Variants in ZBTB7C observed in about 807,000 individuals in gnomAD.
ZBTB7C encodes zinc finger and BTB domain containing 7C.
ZBTB7C carries 8 observed loss-of-function variants against 25.7 expected under a neutral mutation model. The observed-to-expected ratio is 0.31, with a 90% CI of 0.18 to 0.56. The LOEUF (loss-of-function observed/expected upper bound fraction) is 0.56, where lower values mean the gene tolerates loss of function less well. Among genes scored for constraint, ZBTB7C ranks in the 20% least tolerant of loss-of-function variants. ZBTB7C has a pLI of 0.91. For synonymous variants in ZBTB7C, 394 were observed against 369.0 expected, an observed-to-expected ratio of 1.07 and a Z score of -0.78; for missense variants, 824 against 855.2, an observed-to-expected ratio of 0.96 and a Z score of 0.46.
In ZBTB7C at chr18:48,089,500, A is replaced by G. The variant is rs927084696; in HGVS notation, c.-16-48377T>C. Among the ~76,000 whole-genome samples the G allele has an allele frequency of 2.0e-5, 3 of 147,116 alleles. No individual in the cohort carries two copies. In the Admixed American group the frequency reaches 2.0e-4, roughly 10 times the overall value. On this transcript the variant is annotated intron_variant, in intron 3 of 4. Coordinates refer to ENST00000590800, the MANE Select transcript of ZBTB7C (RefSeq NM_001318841.2). Reference sequence around the variant, plus strand: ...TCTCGAAAAAAAAAAAAAAAAGAAGAGTCAGGTTCAGAAAGTGGGGCCCTA... The same window carrying G: ...TCTCGAAAAAAAAAAAAAAAAGAAGGGTCAGGTTCAGAAAGTGGGGCCCTA...
chr18:48,195,484 C>A (rs4597387), intron 2 of ZBTB7C, among the ~76,000 whole-genome samples: 45,034 of 152,124 alleles, frequency 0.3, 7,010 homozygotes, highest in East Asian at 0.54. Flanking sequence ...TGACTTTGCT[C>A]CTCCTTTGCC....
intron 1 of ZBTB7C, among the ~76,000 whole-genome samples, chr18:48,383,615 T>C (rs1431840596): frequency 1.3e-5 from 2 of 152,206 alleles, no homozygotes; most frequent in Non-Finnish European, 2.9e-5. Context: ...AGAAGAATAT[T>C]TTTCACTACA....
At chr18:48,043,663 G>T (rs1006125546) in intron 3 of ZBTB7C, among the ~76,000 whole-genome samples, 6 of 152,144 alleles carry the variant, frequency 3.9e-5, no homozygotes, top group Non-Finnish European at 7.4e-5. Context: ...TCTGCATATT[G>T]ATTATACCAG....
chr18:48,390,325 T>C (rs1002075490), intron 1 of ZBTB7C, among the ~76,000 whole-genome samples: 1 of 152,240 alleles, frequency 6.6e-6, no homozygotes, highest in African/African-American at 2.4e-5. Context: ...AGTAATTTAT[T>C]TTGATCATCT....
At chr18:48,357,453 C>G (rs991963863) in intron 1 of ZBTB7C, among the ~76,000 whole-genome samples, 5 of 152,338 alleles carry the variant, frequency 3.3e-5, no homozygotes, top group Admixed American at 6.5e-5. Flanking sequence ...GACAATGAAA[C>G]AGAGACAAAG....
At chr18:48,071,885 A>G (rs1288276609) in intron 3 of ZBTB7C, among the ~76,000 whole-genome samples, 2 of 152,222 alleles carry the variant, frequency 1.3e-5, no homozygotes, top group Non-Finnish European at 2.9e-5. Flanking sequence ...AATATGCCAG[A>G]CATAAAAGGA....
At chr18:48,209,669 T>C (rs1046369971) in intron 2 of ZBTB7C, among the ~76,000 whole-genome samples, 3 of 151,966 alleles carry the variant, frequency 2.0e-5, no homozygotes, top group African/African-American at 7.3e-5. Context: ...AGTGGGAGGA[T>C]TGCTTGAACC....
intron 3 of ZBTB7C, among the ~76,000 whole-genome samples, chr18:48,073,808 AG>A (rs1357329262): frequency 3.9e-5 from 6 of 152,062 alleles, no homozygotes; most frequent in Non-Finnish European, 2.9e-5. Flanking sequence ...TGGACGTTTC[AG>A]CCCTTGCTCC....
chr18:48,286,296 T>C (rs531765136), intron 2 of ZBTB7C, among the ~76,000 whole-genome samples: 5 of 151,718 alleles, frequency 3.3e-5, no homozygotes, highest in South Asian at 2.1e-4. Context: ...GGAATCATCA[T>C]GGTAACTAGA....
intron 3 of ZBTB7C, among the ~76,000 whole-genome samples, chr18:48,052,452 T>C (rs2036728167): frequency 6.6e-6 from 1 of 152,234 alleles, no homozygotes; most frequent in Non-Finnish European, 1.5e-5. Context: ...CTGGCTAGCC[T>C]CTGAGTGTGC....
intron 3 of ZBTB7C, among the ~76,000 whole-genome samples, chr18:48,160,185 G>T (rs185902267): frequency 6.6e-6 from 1 of 152,170 alleles, no homozygotes; most frequent in Non-Finnish European, 1.5e-5. Context: ...AACTACCCTA[G>T]AGAAACATTT....
intron 2 of ZBTB7C, among the ~76,000 whole-genome samples, chr18:48,205,011 C>A (rs1348084559): frequency 3.3e-5 from 5 of 152,038 alleles, no homozygotes; most frequent in Admixed American, 3.3e-4. Flanking sequence ...GAGTGGGGAG[C>A]AATCTTGAGG....
chr18:48,094,099 C>A (rs1225406886), intron 3 of ZBTB7C, among the ~76,000 whole-genome samples: 1 of 152,264 alleles, frequency 6.6e-6, no homozygotes, highest in East Asian at 1.9e-4. Flanking sequence ...TTTATTATAA[C>A]CAAAACCCAA....
chr18:48,153,059 T>C (rs1178484099), intron 3 of ZBTB7C, among the ~76,000 whole-genome samples: 1 of 152,216 alleles, frequency 6.6e-6, no homozygotes, highest in Admixed American at 6.5e-5. Context: ...AGAGCAGTGA[T>C]GTTGGGATGT....
At chr18:48,148,282 T>C (rs2040561445) in intron 3 of ZBTB7C, 1 of 152,080 alleles carries the variant, frequency 6.6e-6, no homozygotes, top group South Asian at 2.1e-4. Context: ...GTGTTGGGAT[T>C]ACAGGCGTGA....
chr18:48,301,663 G>C (rs1015339812), intron 2 of ZBTB7C, among the ~76,000 whole-genome samples: 6 of 152,268 alleles, frequency 3.9e-5, no homozygotes, highest in South Asian at 2.1e-4. Flanking sequence ...GCTAGTGGCT[G>C]TCTGTCATGG....
At chr18:48,359,511 G>A (rs112323894) in intron 1 of ZBTB7C, among the ~76,000 whole-genome samples, 1 of 152,168 alleles carries the variant, frequency 6.6e-6, no homozygotes, top group African/African-American at 2.4e-5. Context: ...GAGACAGACA[G>A]GCCAGATGTA....
At chr18:48,043,729 A>G (rs971830245) in intron 3 of ZBTB7C, among the ~76,000 whole-genome samples, 2 of 150,590 alleles carry the variant, frequency 1.3e-5, no homozygotes, top group Admixed American at 6.6e-5. Context: ...ACCACTGGAG[A>G]AAATGCGTAA....
chr18:48,247,765 C>T (rs75618319), intron 2 of ZBTB7C, among the ~76,000 whole-genome samples: 2 of 152,198 alleles, frequency 1.3e-5, no homozygotes, highest in Non-Finnish European at 2.9e-5. Flanking sequence ...ATGTTGTTCT[C>T]ATGACAGTGA....
Sources: gnomAD v4.1 joint callset for allele counts (sites outside exome capture counted in the v4.1 genomes callset) on GRCh38, gnomAD v4.1.1 for gene constraint, MANE v1.5 for transcripts, NCBI Gene and HGNC (gene_info 2026-07-23, HGNC 2026-07-21) for gene names.